PTPRN2: variants seen among roughly 807,000 people sequenced by gnomAD.
PTPRN2 encodes the protein protein tyrosine phosphatase receptor type N2, also known as receptor-type tyrosine-protein phosphatase N2.
A neutral mutation model predicts 118.8 loss-of-function variants in PTPRN2; 74 were observed. The observed-to-expected ratio is 0.62, with a 90% CI of 0.52 to 0.76. The LOEUF (loss-of-function observed/expected upper bound fraction) is 0.76. PTPRN2 is among the 30% of genes least tolerant of loss of function. PTPRN2 has a pLI of 0.00. For missense variants in PTPRN2, 1,481 were observed against 1,394.4 expected, an observed-to-expected ratio of 1.06 and a Z score of -0.99; for synonymous variants, 641 against 608.0, an observed-to-expected ratio of 1.05 and a Z score of -0.80.
chr7:158,084,201 C>T (rs558235626), intron 10 of PTPRN2, among the ~76,000 whole-genome samples: 1 of 152,314 alleles, frequency 6.6e-6, no homozygotes, highest in African/African-American at 2.4e-5. Flanking sequence ...GCTGGCTCTG[C>T]CCCCAGCACC....
chr7:158,100,749 G>A (rs555889830), intron 10 of PTPRN2, among the ~76,000 whole-genome samples: 2 of 152,166 alleles, frequency 1.3e-5, no homozygotes, highest in Non-Finnish European at 2.9e-5. Flanking sequence ...TGATGGGACT[G>A]TTTGTTTCTT....
intron 11 of PTPRN2, among the ~76,000 whole-genome samples, chr7:158,027,132 G>A (rs1403473404): frequency 6.6e-6 from 1 of 152,140 alleles, no homozygotes; most frequent in Non-Finnish European, 1.5e-5. Context: ...GGCAGAGCCG[G>A]CCCCTGTGGA....
chr7:157,613,850 C>A (rs947296472), intron 15 of PTPRN2, among the ~76,000 whole-genome samples: 3 of 152,336 alleles, frequency 2.0e-5, no homozygotes, highest in South Asian at 2.1e-4. Flanking sequence ...GCGGCCCCCC[C>A]ACAGTGTGCC....
intron 16 of PTPRN2, among the ~76,000 whole-genome samples, chr7:157,601,342 T>G (rs1801654930): frequency 6.6e-6 from 1 of 152,202 alleles, no homozygotes; most frequent in Non-Finnish European, 1.5e-5. Context: ...TTGTGAGCTT[T>G]TCATTCAGCT....
At chr7:158,390,089 ATCT>A (rs1296662443) in intron 2 of PTPRN2, among the ~76,000 whole-genome samples, 6 of 152,284 alleles carry the variant, frequency 3.9e-5, no homozygotes, top group East Asian at 1.9e-4. Flanking sequence ...ATTCAAACCG[ATCT>A]TCTTTGTGCC....
At chr7:157,543,470 G>C (rs1024250165) in intron 22 of PTPRN2, among the ~76,000 whole-genome samples, 1 of 152,138 alleles carries the variant, frequency 6.6e-6, no homozygotes, top group Non-Finnish European at 1.5e-5. Flanking sequence ...TTCTCAGGCT[G>C]TCCTGGGACA....
chr7:157,875,333 C>T (rs905676281), intron 12 of PTPRN2, among the ~76,000 whole-genome samples: 2 of 152,160 alleles, frequency 1.3e-5, no homozygotes, highest in Non-Finnish European at 2.9e-5. Context: ...CGAGGGAGCG[C>T]GTGAGGGCTT....
At chr7:158,258,753 T>C (rs1039252291) in intron 3 of PTPRN2, among the ~76,000 whole-genome samples, 3 of 152,238 alleles carry the variant, frequency 2.0e-5, no homozygotes, top group African/African-American at 4.8e-5. Flanking sequence ...TTGTTGCTTC[T>C]GTATCTGTTT....
chr7:158,071,144 G>A (rs1254831707), intron 11 of PTPRN2, among the ~76,000 whole-genome samples: 1 of 80,290 alleles, frequency 1.2e-5, no homozygotes, highest in Non-Finnish European at 2.5e-5. Context: ...GGTGCTCGTG[G>A]TGGTGGAGGT....
At chr7:158,196,343 G>C (rs1226852582) in intron 4 of PTPRN2, among the ~76,000 whole-genome samples, 1 of 152,190 alleles carries the variant, frequency 6.6e-6, no homozygotes, top group Non-Finnish European at 1.5e-5. Flanking sequence ...AGGCCACTGA[G>C]CACCACTGTC....
intron 4 of PTPRN2, among the ~76,000 whole-genome samples, chr7:158,201,139 C>A (rs147434829): frequency 6.0e-4 from 90 of 151,166 alleles, no homozygotes; most frequent in African/African-American, 2.1e-3. Flanking sequence ...CAGCCTCAAT[C>A]CCCCGGGCTC....
chr7:157,892,252 A>G (rs1796854543), intron 12 of PTPRN2, among the ~76,000 whole-genome samples: 2 of 152,236 alleles, frequency 1.3e-5, no homozygotes, highest in South Asian at 2.1e-4. Flanking sequence ...CACAACTGAG[A>G]AGGTTGGAGC....
chr7:157,707,501 C>A (rs997818237), intron 12 of PTPRN2, among the ~76,000 whole-genome samples: 9 of 152,206 alleles, frequency 5.9e-5, no homozygotes, highest in African/African-American at 2.2e-4. Context: ...CAATGCTAAC[C>A]CGCTGTAGTT....
At chr7:158,234,309 A>G (rs1230246028) in intron 3 of PTPRN2, among the ~76,000 whole-genome samples, 1 of 152,202 alleles carries the variant, frequency 6.6e-6, no homozygotes, top group African/African-American at 2.4e-5. Flanking sequence ...AATGGGCAAA[A>G]GATCTGAATA....
chr7:157,573,414 G>A (rs1416301179), intron 19 of PTPRN2, among the ~76,000 whole-genome samples: 1 of 152,262 alleles, frequency 6.6e-6, no homozygotes, highest in African/African-American at 2.4e-5. Flanking sequence ...GCTTCCTGCT[G>A]TGTTTCACAC....
At chr7:157,855,010 G>A (rs1809585436) in intron 12 of PTPRN2, 1 of 172,638 alleles carries the variant, frequency 5.8e-6, no homozygotes, top group Non-Finnish European at 1.2e-5. Context: ...AGGGGTGTGT[G>A]TGGGGCTGGA....
intron 2 of PTPRN2, among the ~76,000 whole-genome samples, chr7:158,337,429 TAA>T (rs112630062): frequency 0.096 from 6,024 of 62,502 alleles, 19 homozygotes; most frequent in African/African-American, 0.17. Flanking sequence ...ACTCTCACCA[TAA>T]GAGGTGACAC....
chr7:158,386,763 C>G (rs1811417433), intron 2 of PTPRN2, among the ~76,000 whole-genome samples: 1 of 152,238 alleles, frequency 6.6e-6, no homozygotes, highest in African/African-American at 2.4e-5. Context: ...CAGCCCTTCA[C>G]AGGCTCCTAC....
intron 12 of PTPRN2, among the ~76,000 whole-genome samples, chr7:157,895,350 G>A (rs1485350777): frequency 6.7e-6 from 1 of 149,982 alleles, no homozygotes; most frequent in Non-Finnish European, 1.5e-5. Context: ...GGGTCTGAAC[G>A]AGTCAATAAA....
Sources: gnomAD v4.1 joint callset for allele counts (sites outside exome capture counted in the v4.1 genomes callset) on GRCh38, gnomAD v4.1.1 for gene constraint, MANE v1.5 for transcripts, NCBI Gene and HGNC (gene_info 2026-07-23, HGNC 2026-07-21) for gene names.